The following DNMT3B variants were observed in gnomAD, a reference collection of about 807,000 sequenced individuals.
DNMT3B encodes the protein DNA (cytosine-5)-methyltransferase 3B.
A neutral mutation model predicts 120.2 loss-of-function variants in DNMT3B; 37 were observed. That is an observed-to-expected ratio of 0.31 (90% CI 0.24 to 0.40). The LOEUF is 0.40. Ranked by LOEUF, DNMT3B falls within the 10% of genes least tolerant of loss-of-function variation. The pLI is 1.00. For synonymous variants in DNMT3B, 412 were observed against 442.8 expected, an observed-to-expected ratio of 0.93 and a Z score of 0.87; for missense variants, 878 against 1,137.3, an observed-to-expected ratio of 0.77 and a Z score of 3.28.
rs149024631 is a variant in DNMT3B at position 32,769,552 on chromosome 20, G to A, written c.-7+6853G>A. Among the ~76,000 whole-genome samples, 803 of 152,254 alleles carry A rather than the reference G, an allele frequency of 5.3e-3. 12 individuals are homozygous for A. Among genetic ancestry groups the A allele is most frequent in the African/African-American group, 0.019 (779 of 41,546 alleles). On this transcript the variant is annotated intron_variant, in intron 1 of 22. Coordinates refer to ENST00000328111, the MANE Select transcript of DNMT3B (RefSeq NM_006892.4). Reference sequence around the variant, plus strand: ...TGACCGTTGGGGTGGGCAGATCTGAGCCCCCACTAGGTAATTGTGGACAGT... The same window carrying A: ...TGACCGTTGGGGTGGGCAGATCTGAACCCCCACTAGGTAATTGTGGACAGT...
At chr20:32,778,061 G>A (rs1041091553) in intron 1 of DNMT3B, among the ~76,000 whole-genome samples, 1 of 152,306 alleles carries the variant, frequency 6.6e-6, no homozygotes, top group Admixed American at 6.5e-5. Flanking sequence ...GCTTCAGGCC[G>A]GGTGTGGTGG....
intron 1 of DNMT3B, among the ~76,000 whole-genome samples, chr20:32,771,836 A>G (rs1165137088): frequency 6.6e-6 from 1 of 152,162 alleles, no homozygotes; most frequent in African/African-American, 2.4e-5. Context: ...TGTTGATTAA[A>G]CCTGAGTGGC....
chr20:32,765,539 A>G lies in DNMT3B; in HGVS notation c.-7+2840A>G, dbSNP rs1170855305. On this transcript the variant is annotated intron_variant, in intron 1 of 22. Transcript: ENST00000328111. ...GGGTTCAAGCAATTCTCCTGCCTCA[A>G]CCTTCCGAGTAGCTGGGATTACATG... 4.2e-5 allele frequency among the ~76,000 whole-genome samples: 6 copies of G among 142,518 alleles called. No homozygotes were observed. In the East Asian group the frequency reaches 1.2e-3, roughly 30 times the overall value. The allele number at this position is 142,518 out of a possible 152,430, so 93.5% of individuals were successfully genotyped here.
chr20:32,798,202 A>C (rs1374416433), intron 14 of DNMT3B, among the ~76,000 whole-genome samples: 1 of 152,192 alleles, frequency 6.6e-6, no homozygotes, highest in East Asian at 1.9e-4. Flanking sequence ...CCTGTAATCC[A>C]AAGTGTCCAT....
intron 1 of DNMT3B, among the ~76,000 whole-genome samples, chr20:32,776,235 A>G (rs1988066795): frequency 6.9e-6 from 1 of 144,570 alleles, no homozygotes; most frequent in Admixed American, 6.8e-5. Context: ...AAAAAAAGAA[A>G]AAAAAAAAAA....
chr20:32,802,641 T>G (rs559307049), intron 20 of DNMT3B, among the ~76,000 whole-genome samples, 171 bp downstream of exon 20: 1 of 152,330 alleles, frequency 6.6e-6, no homozygotes, highest in Admixed American at 6.5e-5. Flanking sequence ...GTTCAGCAAG[T>G]ACCTGGGAAT....
chr20:32,784,781 G>A lies in DNMT3B; in HGVS notation c.228G>A (p.Gly76=). The change falls in exon 4 of 23, where the codon GGG becomes GGA. Residue 76 remains glycine (G), a synonymous_variant. Transcript: ENST00000328111. ...YTQDLTGDGD[G]EDGDGSDTPV... is the part of the protein sequence containing the mutation. The stretch of plus-strand genomic sequence containing the variant: ...AGGACTTGACAGGCGATGGCGACGG[G>A]GAAGATGGGGATGGCTCTGACACCC... 6.2e-7 allele frequency: 1 copy of A among 1,614,122 alleles called. No homozygotes were observed. The highest frequency in any genetic ancestry group is 8.5e-7 in the Non-Finnish European group (1 of 1,180,028).
At chr20:32,806,868 G>A (rs537167301) in intron 22 of DNMT3B, among the ~76,000 whole-genome samples, 18 of 152,286 alleles carry the variant, frequency 1.2e-4, no homozygotes, top group African/African-American at 4.3e-4. Flanking sequence ...TTGCTATAGT[G>A]ATTATGGCTT....
chr20:32,798,682 A>G lies in DNMT3B; in HGVS notation c.1674+39A>G, dbSNP rs752066492. On this transcript the variant is annotated intron_variant, in intron 15 of 22. Transcript: ENST00000328111. ...TCCCGCCTCTACCACCACAGATCCCAGGGGCACAGGGTGTTGGAAAGCTCT... is the reference window on the plus strand; with the variant it reads ...TCCCGCCTCTACCACCACAGATCCCGGGGGCACAGGGTGTTGGAAAGCTCT... 6 of 1,612,756 alleles carry G rather than the reference A, an allele frequency of 3.7e-6. No individual in the cohort carries two copies. In the East Asian group the frequency reaches 1.1e-4, roughly 30 times the overall value.
intron 22 of DNMT3B, 123 bp from the exon 23 acceptor site, chr20:32,807,639 T>A: frequency 3.5e-6 from 5 of 1,432,324 alleles, no homozygotes; most frequent in Non-Finnish European, 4.9e-6. Context: ...TTTAGGTCCT[T>A]GGGGACCTTA....
intron 20 of DNMT3B, 84 bp from the exon 21 acceptor site, chr20:32,805,254 C>T: frequency 6.6e-7 from 1 of 1,524,958 alleles, no homozygotes; most frequent in South Asian, 1.1e-5. Flanking sequence ...CACATCTCTG[C>T]AACATAGACC....
Position 32,781,371 on chromosome 20 carries a change from G to T in DNMT3B, c.161G>T (p.Arg54Leu). 1.2e-6 allele frequency: 2 copies of T among 1,614,144 alleles called. No homozygotes were observed. The highest frequency in any genetic ancestry group is 8.5e-7 in the Non-Finnish European group (1 of 1,180,042). Residue 54 changes from arginine to leucine, a missense_variant, in exon 3 of 23, where the codon CGA (arginine) becomes CTA (leucine). Transcript: ENST00000328111. ...TCTACAGGCCGAAGATCAAGCTCGCGACTCTCCAAGAGGGAGGTGTCCAGT... is the reference window on the plus strand; with the variant it reads ...TCTACAGGCCGAAGATCAAGCTCGCTACTCTCCAAGAGGGAGGTGTCCAGT... ...PEIRGRRSSS[R>L]LSKREVSSLL... is the part of the protein sequence containing the mutation.
At chr20:32,773,357 G>C (rs893463671) in intron 1 of DNMT3B, among the ~76,000 whole-genome samples, 1 of 152,154 alleles carries the variant, frequency 6.6e-6, no homozygotes, top group Non-Finnish European at 1.5e-5. Flanking sequence ...AGTGGTACAT[G>C]TACTCATGAC....
Position 32,808,045 on chromosome 20 carries a change from G to A in DNMT3B, c.*142G>A. ...ACCTCAGTTCCCTCTTGCTCAGTGGGGGCAGAGCCACCTGACTCTTGCAGG... is the reference window on the plus strand; with the variant it reads ...ACCTCAGTTCCCTCTTGCTCAGTGGAGGCAGAGCCACCTGACTCTTGCAGG... On this transcript the variant is annotated 3_prime_UTR_variant, in exon 23 of 23. Coordinates refer to ENST00000328111, the MANE Select transcript of DNMT3B (RefSeq NM_006892.4). 7.0e-7 allele frequency: 1 copy of A among 1,419,470 alleles called. No individual in the cohort carries two copies. 87.9% of individuals were successfully genotyped at this position (1,419,470 alleles called of 1,614,324 possible).
At chr20:32,790,741 G>C (rs1334617491) in intron 7 of DNMT3B, among the ~76,000 whole-genome samples, 6 of 152,070 alleles carry the variant, frequency 3.9e-5, no homozygotes, top group Admixed American at 3.9e-4. Context: ...CACTGTCTTG[G>C]CTCACTGCAG....
At position 32,789,019 on chromosome 20, in the gene DNMT3B, C is replaced by A; in HGVS notation, c.813+7C>A. The A allele has an allele frequency of 6.2e-7, 1 of 1,613,766 alleles. No homozygotes were observed. Among genetic ancestry groups the A allele is most frequent in the Non-Finnish European group, 8.5e-7 (1 of 1,179,926 alleles). Reference sequence around the variant, plus strand: ...CGATGGCAAGTTCTCCGAGGTGAGTCCGGGGAAGGGCAAGGGGTTCTGCAG... The same window carrying A: ...CGATGGCAAGTTCTCCGAGGTGAGTACGGGGAAGGGCAAGGGGTTCTGCAG... On this transcript the variant is annotated splice_region_variant and intron_variant, in intron 7 of 22. Transcript: ENST00000328111.
At chr20:32,807,328 C>T (rs185421957) in intron 22 of DNMT3B, among the ~76,000 whole-genome samples, 9 of 152,244 alleles carry the variant, frequency 5.9e-5, no homozygotes, top group Admixed American at 3.9e-4. Context: ...GTCCTTCATC[C>T]GGCAGCTGGG....
chr20:32,783,157 C>T (rs184791222), intron 3 of DNMT3B, among the ~76,000 whole-genome samples: 16 of 152,246 alleles, frequency 1.1e-4, no homozygotes, highest in African/African-American at 3.9e-4. Context: ...GAACTCCTGG[C>T]CTCAAGTGAG....
At chr20:32,805,777 A>G (rs1365924912) in intron 21 of DNMT3B, among the ~76,000 whole-genome samples, 1 of 152,172 alleles carries the variant, frequency 6.6e-6, no homozygotes, top group Non-Finnish European at 1.5e-5. Flanking sequence ...CAATGTTTGC[A>G]TCAAGCTAAG....
Sources: gnomAD v4.1 joint callset for allele counts (sites outside exome capture counted in the v4.1 genomes callset) on GRCh38, gnomAD v4.1.1 for gene constraint, MANE v1.5 for transcripts, NCBI Gene and HGNC (gene_info 2026-07-23, HGNC 2026-07-21) for gene names.